The following PHKB variants were observed in gnomAD, a reference collection of about 807,000 sequenced individuals.
The protein encoded by PHKB is phosphorylase kinase regulatory subunit beta, also known as phosphorylase b kinase regulatory subunit beta.
Under a neutral mutation model 152.1 loss-of-function variants are expected in PHKB, and 122 were observed. The observed-to-expected ratio is 0.80, with a 90% CI of 0.69 to 0.93. The LOEUF (loss-of-function observed/expected upper bound fraction) is 0.93, where lower values mean the gene tolerates loss of function less well. PHKB is among the 40% of genes least tolerant of loss of function. PHKB has a pLI of 0.00. For synonymous variants in PHKB, 436 were observed against 464.9 expected (o/e 0.94, Z 0.80); for missense variants, 1,304 against 1,328.4 (o/e 0.98, Z 0.29).
At chr16:47,504,184 G>T (rs142172774) in intron 4 of PHKB, among the ~76,000 whole-genome samples, 2 of 152,222 alleles carry the variant, frequency 1.3e-5, no homozygotes, top group Admixed American at 6.5e-5. Context: ...CCAGATGCTA[G>T]CACCTAGGAG....
chr16:47,627,205 C>T (rs1417929326), intron 14 of PHKB, among the ~76,000 whole-genome samples: 1 of 152,092 alleles, frequency 6.6e-6, no homozygotes, highest in African/African-American at 2.4e-5. Flanking sequence ...TTGATCTTTC[C>T]TGTTGTGTTT....
chr16:47,598,973 G>A lies in PHKB; in HGVS notation c.1363+2442G>A, dbSNP rs181292072. On this transcript the variant is annotated intron_variant, in intron 13 of 30. Coordinates refer to ENST00000323584, the MANE Select transcript of PHKB (RefSeq NM_000293.3). ...GTATTGCACACAGCCAATCCCACAA[G>A]GCCAGTGGTCTTCTTCAGCACACCC... 1,107 of 1,254,914 alleles carry A rather than the reference G, an allele frequency of 8.8e-4. 9 individuals are homozygous for A. In the African/African-American group the frequency reaches 0.014, roughly 16 times the overall value. 77.7% of individuals were successfully genotyped at this position (1,254,914 alleles called of 1,614,324 possible).
chr16:47,487,652 G>C (rs1970072579), intron 1 of PHKB, among the ~76,000 whole-genome samples: 1 of 152,038 alleles, frequency 6.6e-6, no homozygotes, highest in South Asian at 2.1e-4. Context: ...GTGTCCACAG[G>C]TATTCAGTGT....
chr16:47,586,196 A>G (rs1201879972), intron 8 of PHKB, among the ~76,000 whole-genome samples: 1 of 152,186 alleles, frequency 6.6e-6, no homozygotes, highest in Non-Finnish European at 1.5e-5. Context: ...GTGTTGTGGT[A>G]TGCTGCCTTT....
rs575447453 is a variant in PHKB, at chr16:47,504,670, G to GT, written c.405+1587dup. Among the ~76,000 whole-genome samples, 565 of 152,266 alleles carry GT rather than the reference G, an allele frequency of 3.7e-3. 4 individuals are homozygous for GT. The highest frequency in any genetic ancestry group is 0.013 in the African/African-American group (545 of 41,564). ...AAATTATTTAATTTCCATGTGCCCCGTTTTTTTCCTCTGTTAAATATGGAT... is the reference window on the plus strand; with the variant it reads ...AAATTATTTAATTTCCATGTGCCCCGTTTTTTTTCCTCTGTTAAATATGGAT... On this transcript the variant is annotated intron_variant, in intron 4 of 30. Coordinates refer to ENST00000323584, the MANE Select transcript of PHKB (RefSeq NM_000293.3).
intron 14 of PHKB, among the ~76,000 whole-genome samples, chr16:47,628,046 TG>T (rs1422755856): frequency 6.6e-6 from 1 of 152,194 alleles, no homozygotes; most frequent in Admixed American, 6.5e-5. Flanking sequence ...ATGAGTGTTC[TG>T]TAAGGCCCCC....
At position 47,657,810 on chromosome 16, in the gene PHKB, T is replaced by A. The variant is rs138844191; in HGVS notation, c.1972-2696T>A. Among the ~76,000 whole-genome samples the A allele has an allele frequency of 4.7e-4, 71 of 152,284 alleles. No homozygotes were observed. The East Asian group carries it at 0.013, about 29-fold the overall frequency. Reference sequence around the variant, plus strand: ...CTTTAAGAATTAAGTAATTCTTGACTCTCTCTTTCTCTCATACCCTGTGTT... The same window carrying A: ...CTTTAAGAATTAAGTAATTCTTGACACTCTCTTTCTCTCATACCCTGTGTT... On this transcript the variant is annotated intron_variant, in intron 20 of 30. Transcript: ENST00000323584.
rs184632102 is a variant in PHKB, at chr16:47,693,521, A to G, written c.2895+14A>G. 15 of 1,613,800 alleles carry G rather than the reference A, an allele frequency of 9.3e-6. No homozygotes were observed. The East Asian group carries it at 2.9e-4, about 31-fold the overall frequency. On this transcript the variant is annotated intron_variant, in intron 28 of 30. Coordinates refer to ENST00000323584, the MANE Select transcript of PHKB (RefSeq NM_000293.3). ...CATTTGCCTCAGGTAAAGCCCCACCATGTTCACATAAAGAAAGGAGACTTC... is the reference window on the plus strand; with the variant it reads ...CATTTGCCTCAGGTAAAGCCCCACCGTGTTCACATAAAGAAAGGAGACTTC...
chr16:47,609,213 G>A (rs1380611803), intron 13 of PHKB, among the ~76,000 whole-genome samples: 1 of 152,056 alleles, frequency 6.6e-6, no homozygotes, highest in African/African-American at 2.4e-5. Flanking sequence ...AATTAACTTT[G>A]TGATGTTAAG....
rs574635842 is a variant in PHKB, at chr16:47,554,518, G to A, written c.710+6970G>A. ...CCTGGCTTCAGCCCCCTTTCCAGGG[G>A]AGTGAACGGTTCTGTCTCCGCGGAG... is the stretch of plus-strand genomic sequence containing the variant. On this transcript the variant is annotated intron_variant, in intron 7 of 30. Coordinates refer to ENST00000323584, the MANE Select transcript of PHKB (RefSeq NM_000293.3). Among the ~76,000 whole-genome samples, 15 of 152,218 alleles carry A rather than the reference G, an allele frequency of 9.9e-5. No homozygotes were observed. The East Asian group carries it at 2.5e-3, about 26-fold the overall frequency.
At chr16:47,513,018 A>C (rs951781253) in intron 5 of PHKB, among the ~76,000 whole-genome samples, 1 of 152,218 alleles carries the variant, frequency 6.6e-6, no homozygotes, top group Non-Finnish European at 1.5e-5. Flanking sequence ...TAGTTTCTCA[A>C]CCTTAACCTT....
intron 14 of PHKB, among the ~76,000 whole-genome samples, chr16:47,613,918 C>T (rs1196294075): frequency 6.6e-6 from 1 of 152,094 alleles, no homozygotes; most frequent in African/African-American, 2.4e-5. Flanking sequence ...GAGATTCATC[C>T]AAGTTGTTGC....
Position 47,650,808 on chromosome 16 carries a change from TTTTG to T in PHKB, c.1881-19_1881-16del. On this transcript the variant is annotated intron_variant, in intron 19 of 30. Coordinates refer to ENST00000323584, the MANE Select transcript of PHKB (RefSeq NM_000293.3). ...TACCATTCTGTTGTTAATCTGTACATTTTGTTTATTTATATTTTTTAGAGGTAGC... is the reference window on the plus strand; with the variant it reads ...TACCATTCTGTTGTTAATCTGTACATTTTATTTATATTTTTTAGAGGTAGC... 4 of 1,548,286 alleles carry T rather than the reference TTTTG, an allele frequency of 2.6e-6. No homozygotes were observed. Among genetic ancestry groups the T allele is most frequent in the Non-Finnish European group, 1.8e-6 (2 of 1,120,540 alleles).
chr16:47,528,660 C>A (rs1275586609), intron 6 of PHKB, among the ~76,000 whole-genome samples: 3 of 150,554 alleles, frequency 2.0e-5, no homozygotes, highest in Non-Finnish European at 4.4e-5. Context: ...AAAGAAAACC[C>A]ATCGAACAGT....
intron 3 of PHKB, among the ~76,000 whole-genome samples, chr16:47,502,493 G>A (rs1397937407): frequency 6.6e-6 from 1 of 152,140 alleles, no homozygotes; most frequent in African/African-American, 2.4e-5. Context: ...TTTAGTTGAA[G>A]GCATCCTTGA....
chr16:47,481,857 T>C (rs1465291044), intron 1 of PHKB, among the ~76,000 whole-genome samples: 30 of 152,184 alleles, frequency 2.0e-4, no homozygotes, highest in Admixed American at 2.0e-3. Flanking sequence ...GTTCTTCCTG[T>C]TTTCAAAACG....
In PHKB at chr16:47,574,177, C is replaced by T. The variant is rs190852676; in HGVS notation, c.711-6118C>T. On this transcript the variant is annotated intron_variant, in intron 7 of 30. Coordinates refer to ENST00000323584, the MANE Select transcript of PHKB (RefSeq NM_000293.3). ...TCAGGTGACCCACCCGTTTCAGCCT[C>T]CCAAAGTTCTGGGATTACAGGCATG... Among the ~76,000 whole-genome samples, 14 of 152,328 alleles carry T rather than the reference C, an allele frequency of 9.2e-5. No individual in the cohort carries two copies. In the East Asian group the frequency reaches 2.5e-3, roughly 27 times the overall value.
chr16:47,678,516 G>A (rs1448609860), intron 26 of PHKB, among the ~76,000 whole-genome samples: 2 of 152,070 alleles, frequency 1.3e-5, no homozygotes, highest in Non-Finnish European at 2.9e-5. Context: ...TTCTCTGATG[G>A]CCAGTGATCA....
chr16:47,604,114 A>G (rs1972282483), intron 13 of PHKB, among the ~76,000 whole-genome samples: 1 of 152,180 alleles, frequency 6.6e-6, no homozygotes, highest in African/African-American at 2.4e-5. Flanking sequence ...TTATATTCTG[A>G]CTATTAGAAA....
Sources: gnomAD v4.1 joint callset for allele counts (sites outside exome capture counted in the v4.1 genomes callset) on GRCh38, gnomAD v4.1.1 for gene constraint, MANE v1.5 for transcripts, NCBI Gene and HGNC (gene_info 2026-07-23, HGNC 2026-07-21) for gene names.